SLC26A3: variants seen among roughly 807,000 people sequenced by gnomAD.
The protein encoded by SLC26A3 is solute carrier family 26 member 3, also known as chloride anion exchanger.
Under a neutral mutation model 85.6 loss-of-function variants are expected in SLC26A3, and 64 were observed. That is an observed-to-expected ratio of 0.75 (90% CI 0.61 to 0.92). SLC26A3 has a LOEUF of 0.92. Among genes scored for constraint, SLC26A3 ranks in the 40% least tolerant of loss-of-function variants. SLC26A3 has a pLI of 0.00. For missense variants in SLC26A3, 922 were observed against 927.3 expected (o/e 0.99, Z 0.07); for synonymous variants, 349 against 336.0 (o/e 1.04, Z -0.42).
chr7:107,797,628 G>A (rs1202526237), intron 1 of SLC26A3, among the ~76,000 whole-genome samples: 2 of 152,128 alleles, frequency 1.3e-5, no homozygotes, highest in Admixed American at 6.5e-5. Context: ...AACATACAAT[G>A]TGGGCCTCTG....
intron 3 of SLC26A3, among the ~76,000 whole-genome samples, chr7:107,793,102 A>G (rs981903619): frequency 9.9e-5 from 15 of 152,244 alleles, no homozygotes; most frequent in Non-Finnish European, 1.8e-4. Flanking sequence ...AGTGTTGATG[A>G]TATGGAGAAA....
chr7:107,774,072 G>T lies in SLC26A3; in HGVS notation c.1855C>A (p.Pro619Thr). The T allele has an allele frequency of 6.2e-7, 1 of 1,614,082 alleles. No individual in the cohort carries two copies. Among genetic ancestry groups the T allele is most frequent in the Non-Finnish European group, 8.5e-7 (1 of 1,179,988 alleles). ...AAAGGCAGGTCTGTGGTATTGATTG[G>T]CTGGTCCAGTACTTCTATCTGATTG... The part of the protein sequence containing the change: ...DNNQIEVLDQ[P>T]INTTDLPFHI... Residue 619 changes from proline to threonine, a missense_variant, in exon 17 of 21, where the codon CCA (proline) becomes ACA (threonine). Physicochemically the swap from Pro to Thr is conservative, Grantham distance 38. Coordinates refer to ENST00000340010, the MANE Select transcript of SLC26A3 (RefSeq NM_000111.3).
intron 1 of SLC26A3, among the ~76,000 whole-genome samples, chr7:107,798,537 G>A (rs138771498): frequency 3.5e-3 from 525 of 152,022 alleles, no homozygotes; most frequent in Non-Finnish European, 6.2e-3. Flanking sequence ...CTTTTTGCTG[G>A]GAAACAACTA....
chr7:107,768,369 C>T (rs1793950857), intron 18 of SLC26A3, among the ~76,000 whole-genome samples: 1 of 152,192 alleles, frequency 6.6e-6, no homozygotes, highest in Non-Finnish European at 1.5e-5. Flanking sequence ...AAAACATCTT[C>T]CTTACCACTT....
intron 1 of SLC26A3, among the ~76,000 whole-genome samples, chr7:107,801,276 A>G (rs530427392): frequency 6.6e-6 from 1 of 152,230 alleles, no homozygotes; most frequent in East Asian, 1.9e-4. Flanking sequence ...TCTCTGCTAC[A>G]TATTCAATGT....
At position 107,790,933 on chromosome 7, in the gene SLC26A3, G is replaced by T. The variant is rs1794386830; in HGVS notation, c.570+115C>A. On this transcript the variant is annotated intron_variant, in intron 5 of 20. Transcript: ENST00000340010. ...AGTATTTCCTATGGGCCATGAGGGAGAGACAAACCAAAGGGAAGATGGGGA... is the reference window on the plus strand; with the variant it reads ...AGTATTTCCTATGGGCCATGAGGGATAGACAAACCAAAGGGAAGATGGGGA... 117 of 1,110,682 alleles carry T rather than the reference G, an allele frequency of 1.1e-4. 2 individuals carry two copies. In the South Asian group the frequency reaches 1.6e-3, roughly 15 times the overall value. The allele number at this position is 1,110,682 out of a possible 1,614,324, so 68.8% of individuals were successfully genotyped here. A position where few individuals can be genotyped will look rare whatever the true frequency, so the allele number is the denominator to read the frequency against.
intron 12 of SLC26A3, 94 bp downstream of exon 12, chr7:107,779,574 T>G (rs1207501869): frequency 1.9e-6 from 2 of 1,039,006 alleles, no homozygotes; most frequent in Non-Finnish European, 2.9e-6. Flanking sequence ...GAAACAAAAT[T>G]TCACTTAGTT....
chr7:107,793,470 G>A lies in SLC26A3; in HGVS notation c.271+272C>T, dbSNP rs6466183. ...TATGGATCAACCTTGAAAACATTAC[G>A]GTGAGTGAAAGAAACCAGACACAAA... On this transcript the variant is annotated intron_variant, in intron 3 of 20. Transcript: ENST00000340010. 0.74 allele frequency among the ~76,000 whole-genome samples: 112,213 copies of A among 152,102 alleles called. 41,796 individuals are homozygous for A. Among genetic ancestry groups the A allele is most frequent in the East Asian group, 0.82 (4,245 of 5,182 alleles).
chr7:107,776,630 C>G lies in SLC26A3; in HGVS notation c.1584+7G>C. 6.2e-7 allele frequency: 1 copy of G among 1,612,412 alleles called. No individual in the cohort carries two copies. Among genetic ancestry groups the G allele is most frequent in the African/African-American group, 1.3e-5 (1 of 75,012 alleles). On this transcript the variant is annotated splice_region_variant and intron_variant, in intron 14 of 20. Transcript: ENST00000340010. ...GCAAGTCAAAGAAAAACATGAATCT[C>G]CCTTACATCATAATAATCTTTTTTA...
At position 107,778,295 on chromosome 7, in the gene SLC26A3, G is replaced by T. The variant is rs148090127; in HGVS notation, c.1408-14C>A. ...GATCCAAATTAACTGTGAAAAGAAA[G>T]CAACACATACACTACAATTTACTTT... On this transcript the variant is annotated splice_polypyrimidine_tract_variant and intron_variant, in intron 12 of 20. Transcript: ENST00000340010. 4.9e-5 allele frequency: 73 copies of T among 1,479,216 alleles called. No individual in the cohort carries two copies. The African/African-American group carries it at 9.4e-4, about 19-fold the overall frequency. The allele number at this position is 1,479,216 out of a possible 1,614,324, so 91.6% of individuals were successfully genotyped here. A position where few individuals can be genotyped will look rare whatever the true frequency, so the allele number is the denominator to read the frequency against.
intron 11 of SLC26A3, among the ~76,000 whole-genome samples, chr7:107,782,223 T>A (rs948565680): frequency 4.6e-5 from 7 of 152,184 alleles, no homozygotes; most frequent in Non-Finnish European, 1.0e-4. Context: ...TCTGATGGTA[T>A]GTTTTATATC....
At chr7:107,795,062 G>T (rs1028443413) in intron 1 of SLC26A3, among the ~76,000 whole-genome samples, 1 of 152,096 alleles carries the variant, frequency 6.6e-6, no homozygotes, top group African/African-American at 2.4e-5. Context: ...AAATTCAAAG[G>T]TATTGCCTAT....
At chr7:107,787,241 G>T in intron 7 of SLC26A3, 116 bp downstream of exon 7, 1 of 1,034,906 alleles carries the variant, frequency 9.7e-7, no homozygotes, top group Non-Finnish European at 1.5e-6. Context: ...CATTATGCCC[G>T]AAAACTGCAG....
At chr7:107,789,142 A>T (rs1334417110) in intron 6 of SLC26A3, among the ~76,000 whole-genome samples, 1 of 126,310 alleles carries the variant, frequency 7.9e-6, no homozygotes, top group Non-Finnish European at 1.7e-5. Flanking sequence ...TTGAGACAAG[A>T]GTCTCACTGT....
chr7:107,780,327 G>A (rs1794196961), intron 11 of SLC26A3, among the ~76,000 whole-genome samples: 2 of 152,164 alleles, frequency 1.3e-5, no homozygotes, highest in African/African-American at 4.8e-5. Context: ...GTCAGTGAAT[G>A]AGTGGCTGAG....
Position 107,774,789 on chromosome 7 carries a change from T to C in SLC26A3, c.1761A>G (p.Leu587=). ...KIRKLQKQGL[L]QVTPKGFICT... Reference sequence around the variant, plus strand: ...TCAAGGAACTTACTGGTGTCACTTGTAGCAAGCCTTGCTTCTGCAGTTTTC... The same window carrying C: ...TCAAGGAACTTACTGGTGTCACTTGCAGCAAGCCTTGCTTCTGCAGTTTTC... Residue 587 remains leucine (L), a synonymous_variant, in exon 16 of 21, where the codon CTA becomes CTG. Transcript: ENST00000340010. 6.2e-7 allele frequency: 1 copy of C among 1,613,694 alleles called. No homozygotes were observed. The highest frequency in any genetic ancestry group is 1.1e-5 in the South Asian group (1 of 91,076).
intron 18 of SLC26A3, among the ~76,000 whole-genome samples, chr7:107,769,079 G>A: frequency 6.6e-6 from 1 of 152,100 alleles, no homozygotes; most frequent in South Asian, 2.1e-4. Flanking sequence ...AAGGTTTCTG[G>A]GATCAAGGGG....
At chr7:107,772,028 C>T in intron 18 of SLC26A3, 26 bp downstream of exon 18, 1 of 1,569,192 alleles carries the variant, frequency 6.4e-7, no homozygotes, top group Non-Finnish European at 8.8e-7. Flanking sequence ...ATTGTCAGAA[C>T]ATAAAACAAA....
chr7:107,773,013 T>G (rs1794052149), intron 17 of SLC26A3, among the ~76,000 whole-genome samples: 1 of 152,206 alleles, frequency 6.6e-6, no homozygotes, highest in Admixed American at 6.5e-5. Flanking sequence ...GAGAGAAAGA[T>G]GTAGAATTTC....
Sources: gnomAD v4.1 joint callset for allele counts (sites outside exome capture counted in the v4.1 genomes callset) on GRCh38, gnomAD v4.1.1 for gene constraint, MANE v1.5 for transcripts, NCBI Gene and HGNC (gene_info 2026-07-23, HGNC 2026-07-21) for gene names.